Variants in MLX observed in about 807,000 individuals in gnomAD.
MLX encodes the protein MAX dimerization protein MLX, also known as max-like protein X.
In MLX, 15 loss-of-function variants were observed where a neutral mutation model predicts 33.0. That is an observed-to-expected ratio of 0.45 (90% CI 0.30 to 0.70). The LOEUF (loss-of-function observed/expected upper bound fraction) is 0.70. Ranked by LOEUF, MLX falls within the 30% of genes least tolerant of loss-of-function variation. The pLI is 0.07. For missense variants in MLX, 285 were observed against 306.3 expected (o/e 0.93, Z 0.52); for synonymous variants, 115 against 115.6 (o/e 0.99, Z 0.03).
Position 42,567,284 on chromosome 17 carries a change from C to T in MLX, c.42+118C>T, listed in dbSNP as rs534650646. Reference sequence around the variant, plus strand: ...CCCAAAGTCCCCCACGCTCTCCGTGCCCCGGGGCTGCAGAGAAGACAGCTC... The same window carrying T: ...CCCAAAGTCCCCCACGCTCTCCGTGTCCCGGGGCTGCAGAGAAGACAGCTC... On this transcript the variant is annotated intron_variant, in intron 1 of 7. Transcript: ENST00000435881. 38 of 1,351,860 alleles carry T rather than the reference C, an allele frequency of 2.8e-5. No homozygotes were observed. In the South Asian group the frequency reaches 6.6e-4, roughly 24 times the overall value. 83.7% of individuals were successfully genotyped at this position (1,351,860 alleles called of 1,614,324 possible).
Position 42,572,971 on chromosome 17 carries a change from G to A in MLX, c.*1368G>A, listed in dbSNP as rs751988692. On this transcript the variant is annotated 3_prime_UTR_variant, in exon 8 of 8. Transcript: ENST00000435881. ...ACCAGTCCTGACCGTGGGCCCCTCA[G>A]GGGTCTGGGAGTGTGACGTTGTAAT... 6.2e-7 allele frequency: 1 copy of A among 1,614,120 alleles called. No homozygotes were observed. The highest frequency in any genetic ancestry group is 1.1e-5 in the South Asian group (1 of 91,072).
At chr17:42,569,160 ATC>A (rs2093020918) in intron 4 of MLX, 42 bp from the exon 5 acceptor site, 1 of 1,578,632 alleles carries the variant, frequency 6.3e-7, no homozygotes. Flanking sequence ...TTTTGCTTTA[ATC>A]TCTCAGGGTT....
intron 7 of MLX, among the ~76,000 whole-genome samples, chr17:42,571,288 C>T (rs1405054696): frequency 6.6e-6 from 1 of 152,058 alleles, no homozygotes; most frequent in East Asian, 1.9e-4. Flanking sequence ...CAGGCATGTG[C>T]CACCACACCT....
chr17:42,573,140 A>C lies in MLX; in HGVS notation c.*1537A>C, dbSNP rs138687177. 117 of 1,614,128 alleles carry C rather than the reference A, an allele frequency of 7.2e-5. No individual in the cohort carries two copies. The highest frequency in any genetic ancestry group is 9.8e-5 in the Non-Finnish European group (116 of 1,180,044). On this transcript the variant is annotated 3_prime_UTR_variant, in exon 8 of 8. Coordinates refer to ENST00000435881, the MANE Select transcript of MLX (RefSeq NM_198204.2). ...GCTTCTTGCTCTTGGGGTATCCTTCAAGTATTGCATCAGACAGCTCTGTAG... is the reference window on the plus strand; with the variant it reads ...GCTTCTTGCTCTTGGGGTATCCTTCCAGTATTGCATCAGACAGCTCTGTAG...
At chr17:42,569,856 G>C (rs1356926851) in intron 6 of MLX, 126 bp from the exon 7 acceptor site, 3 of 903,084 alleles carry the variant, frequency 3.3e-6, no homozygotes, top group Non-Finnish European at 5.2e-6. Context: ...GTATCTCCCT[G>C]ATACTGAACC....
Position 42,571,656 on chromosome 17 carries a change from G to A in MLX, c.*53G>A, listed in dbSNP as rs375639468. 8.4e-6 allele frequency: 13 copies of A among 1,554,738 alleles called. No homozygotes were observed. Among genetic ancestry groups the A allele is most frequent in the South Asian group, 4.5e-5 (4 of 89,564 alleles). ...CAACAAGAGGCCCTTGAATCTCTAC[G>A]TGGCCACTGAACTGCTGGGCCCGGG... On this transcript the variant is annotated 3_prime_UTR_variant, in exon 8 of 8. Transcript: ENST00000435881.
At position 42,571,698 on chromosome 17, in the gene MLX, C is replaced by T. The variant is rs1007740285; in HGVS notation, c.*95C>T. 1.7e-6 allele frequency: 2 copies of T among 1,150,038 alleles called. No homozygotes were observed. Among genetic ancestry groups the T allele is most frequent in the Non-Finnish European group, 2.6e-6 (2 of 758,194 alleles). The allele number at this position is 1,150,038 out of a possible 1,614,324, so 71.2% of individuals were successfully genotyped here. Reference sequence around the variant, plus strand: ...GGGCCCGGGAGACTGGACTACAACACCTCACACTGGTCAGCTGGTTTCTAC... The same window carrying T: ...GGGCCCGGGAGACTGGACTACAACATCTCACACTGGTCAGCTGGTTTCTAC... On this transcript the variant is annotated 3_prime_UTR_variant, in exon 8 of 8. Coordinates refer to ENST00000435881, the MANE Select transcript of MLX (RefSeq NM_198204.2).
chr17:42,567,302 G>C, intron 1 of MLX, 136 bp downstream of exon 1: 1 of 1,382,998 alleles, frequency 7.2e-7, no homozygotes, highest in Non-Finnish European at 9.4e-7. Context: ...CTGCAGAGAA[G>C]ACAGCTCTCA....
rs775450492 is a variant in MLX, at chr17:42,571,655, C to A, written c.*52C>A. 5.1e-6 allele frequency: 8 copies of A among 1,563,850 alleles called. No homozygotes were observed. In the South Asian group the frequency reaches 8.9e-5, roughly 17 times the overall value. ...CCAACAAGAGGCCCTTGAATCTCTA[C>A]GTGGCCACTGAACTGCTGGGCCCGG... On this transcript the variant is annotated 3_prime_UTR_variant, in exon 8 of 8. Coordinates refer to ENST00000435881, the MANE Select transcript of MLX (RefSeq NM_198204.2).
At chr17:42,570,404 T>C (rs2093026085) in intron 7 of MLX, among the ~76,000 whole-genome samples, 1 of 152,180 alleles carries the variant, frequency 6.6e-6, no homozygotes, top group African/African-American at 2.4e-5. Flanking sequence ...CAATGTGAAG[T>C]CCAGCTCTTG....
Position 42,573,116 on chromosome 17 carries a change from C to T in MLX, c.*1513C>T. The T allele has an allele frequency of 1.9e-6, 3 of 1,614,256 alleles. No individual in the cohort carries two copies. Among genetic ancestry groups the T allele is most frequent in the Non-Finnish European group, 2.5e-6 (3 of 1,180,034 alleles). On this transcript the variant is annotated 3_prime_UTR_variant, in exon 8 of 8. Coordinates refer to ENST00000435881, the MANE Select transcript of MLX (RefSeq NM_198204.2). The stretch of plus-strand genomic sequence containing the variant: ...AGAGAGCTCCACTTACAAAGAACTG[C>T]TTCTTGCTCTTGGGGTATCCTTCAA...
chr17:42,569,278 C>G lies in MLX; in HGVS notation c.351C>G (p.Leu117=). The change falls in exon 5 of 8, where the codon CTC becomes CTG. Residue 117 remains leucine (L), a synonymous_variant. Coordinates refer to ENST00000435881, the MANE Select transcript of MLX (RefSeq NM_198204.2). ...QQDFSIGSQK[L]SKAIVLQKTI... ...ACTTCTCCATTGGCTCCCAAAAGCT[C>G]AGCAAAGCCATCGTTCTACAAAAGA... 1 of 1,614,130 alleles carries G rather than the reference C, an allele frequency of 6.2e-7. No individual in the cohort carries two copies. The highest frequency in any genetic ancestry group is 8.5e-7 in the Non-Finnish European group (1 of 1,179,990).
At chr17:42,568,357 T>C (rs1225499890) in intron 2 of MLX, 113 bp from the exon 3 acceptor site, 3 of 703,408 alleles carry the variant, frequency 4.3e-6, no homozygotes, top group Non-Finnish European at 7.1e-6. Flanking sequence ...AGCGAGACTC[T>C]GTCTAAAAAA....
chr17:42,572,878 A>C lies in MLX; in HGVS notation c.*1275A>C. 6.7e-7 allele frequency: 1 copy of C among 1,488,576 alleles called. No individual in the cohort carries two copies. Among genetic ancestry groups the C allele is most frequent in the East Asian group, 2.3e-5 (1 of 44,254 alleles). 92.2% of individuals were successfully genotyped at this position (1,488,576 alleles called of 1,614,324 possible). On this transcript the variant is annotated 3_prime_UTR_variant, in exon 8 of 8. Coordinates refer to ENST00000435881, the MANE Select transcript of MLX (RefSeq NM_198204.2). ...AAAGGTGAAAGTAGCAGGAACAACA[A>C]CAAAAGCCAACCAAAAACAAGGTAG...
chr17:42,571,704 A>G lies in MLX; in HGVS notation c.*101A>G. 4.6e-6 allele frequency: 5 copies of G among 1,092,956 alleles called. No individual in the cohort carries two copies. The highest frequency in any genetic ancestry group is 2.4e-5 in the East Asian group (1 of 42,262). 67.7% of individuals were successfully genotyped at this position (1,092,956 alleles called of 1,614,324 possible). Reference sequence around the variant, plus strand: ...GGGAGACTGGACTACAACACCTCACACTGGTCAGCTGGTTTCTACTTGGTG... The same window carrying G: ...GGGAGACTGGACTACAACACCTCACGCTGGTCAGCTGGTTTCTACTTGGTG... On this transcript the variant is annotated 3_prime_UTR_variant, in exon 8 of 8. Coordinates refer to ENST00000435881, the MANE Select transcript of MLX (RefSeq NM_198204.2).
intron 2 of MLX, chr17:42,568,020 C>T: frequency 3.3e-6 from 1 of 307,544 alleles, no homozygotes; most frequent in South Asian, 5.3e-5. Context: ...AAGTGGGGGG[C>T]CCAGTATGGT....
chr17:42,571,970 CCT>C lies in MLX; in HGVS notation c.*370_*371del. 3.6e-6 allele frequency: 1 copy of C among 278,156 alleles called. No individual in the cohort carries two copies. Among genetic ancestry groups the C allele is most frequent in the Non-Finnish European group, 7.0e-6 (1 of 142,946 alleles). The allele number at this position is 278,156 out of a possible 1,614,324, so 17.2% of individuals were successfully genotyped here. On this transcript the variant is annotated 3_prime_UTR_variant, in exon 8 of 8. Transcript: ENST00000435881. The stretch of plus-strand genomic sequence containing the variant: ...TCTACATAGATTTGGAAACTGTTTT[CCT>C]CTGTTTTGGTCTCTTGGGCAACATT...
chr17:42,567,402 A>T, intron 1 of MLX: 1 of 1,410,874 alleles, frequency 7.1e-7, no homozygotes, highest in Non-Finnish European at 9.4e-7. Flanking sequence ...GGCGGAAGGG[A>T]TCATACACAG....
chr17:42,568,470 G>T lies in MLX; in HGVS notation c.80G>T (p.Gly27Val), dbSNP rs547233193. 1 of 1,613,248 alleles carries T rather than the reference G, an allele frequency of 6.2e-7. No homozygotes were observed. Among genetic ancestry groups the T allele is most frequent in the East Asian group, 2.2e-5 (1 of 44,852 alleles). ...AGTGATTGGGGCCTCTCTTTTCCAG[G>T]GCTTTTTGTAGAAAGCACCCGCAAG... ...YAYSDNSLDPGLFVESTRKGS... is the reference protein window; with the variant it reads ...YAYSDNSLDPVLFVESTRKGS... The change falls in exon 3 of 8, where the codon GGG (glycine) becomes GTG (valine). Residue 27 changes from glycine (G) to valine (V), a missense_variant and splice_region_variant. By Grantham distance (109) the Gly-to-Val change is moderately radical. Transcript: ENST00000435881.
Sources: gnomAD v4.1 joint callset for allele counts (sites outside exome capture counted in the v4.1 genomes callset) on GRCh38, gnomAD v4.1.1 for gene constraint, MANE v1.5 for transcripts, NCBI Gene and HGNC (gene_info 2026-07-23, HGNC 2026-07-21) for gene names.